The following TBC1D14 variants were observed in gnomAD, a reference collection of about 807,000 sequenced individuals.
TBC1D14 encodes TBC1 domain family member 14, also known as TBC1 domain family, member 14.
Under a neutral mutation model 79.0 loss-of-function variants are expected in TBC1D14, and 26 were observed. The ratio of observed to expected loss-of-function variants is 0.33; its 90% CI spans 0.24 to 0.46. The LOEUF (loss-of-function observed/expected upper bound fraction) is 0.46, where lower values mean the gene tolerates loss of function less well. Among genes scored for constraint, TBC1D14 ranks in the 20% least tolerant of loss-of-function variants. TBC1D14 has a pLI of 1.00. For missense variants in TBC1D14, 769 were observed against 887.6 expected (o/e 0.87, Z 1.70); for synonymous variants, 394 against 349.9 (o/e 1.13, Z -1.40).
chr4:6,951,492 C>T (rs1424185636), intron 2 of TBC1D14, among the ~76,000 whole-genome samples: 1 of 152,080 alleles, frequency 6.6e-6, no homozygotes, highest in African/African-American at 2.4e-5. Flanking sequence ...ATAGTGAGAC[C>T]TTATTTTCAT....
chr4:6,978,668 C>T (rs1302742725), intron 3 of TBC1D14, among the ~76,000 whole-genome samples: 2 of 148,104 alleles, frequency 1.4e-5, no homozygotes, highest in African/African-American at 2.6e-5. Context: ...TATCTGCTGA[C>T]CTTCCCTCCA....
rs1186390591 is a variant in TBC1D14, at chr4:6,939,616, C to A, written c.722+15505C>A. Among the ~76,000 whole-genome samples the A allele has an allele frequency of 2.6e-5, 4 of 152,206 alleles. No homozygotes were observed. The Middle Eastern group carries it at 0.014, about 518-fold the overall frequency. ...TCAGTCTTGGGGATGTAACGGTCAA[C>A]ACACCCACTTCTCCCAAATCAAAGC... On this transcript the variant is annotated intron_variant, in intron 2 of 13. Coordinates refer to ENST00000409757, the MANE Select transcript of TBC1D14 (RefSeq NM_020773.3).
intron 12 of TBC1D14, among the ~76,000 whole-genome samples, chr4:7,022,595 GT>G (rs1721939125): frequency 6.6e-6 from 1 of 152,248 alleles, no homozygotes; most frequent in Non-Finnish European, 1.5e-5. Flanking sequence ...AGAGGCCGCA[GT>G]GAGTAGCCAG....
At chr4:7,019,296 A>G (rs1396722074) in intron 12 of TBC1D14, among the ~76,000 whole-genome samples, 2 of 152,332 alleles carry the variant, frequency 1.3e-5, no homozygotes, top group East Asian at 3.9e-4. Context: ...CTGGGATTAC[A>G]GACGTGAGCA....
intron 3 of TBC1D14, among the ~76,000 whole-genome samples, chr4:6,983,267 C>T (rs996120538): frequency 1.7e-4 from 26 of 152,144 alleles, no homozygotes; most frequent in Middle Eastern, 3.4e-3. Context: ...CCACCGTACC[C>T]GGCCTTTAAA....
intron 7 of TBC1D14, among the ~76,000 whole-genome samples, chr4:7,003,872 C>T (rs371003428): frequency 1.1e-4 from 17 of 152,208 alleles, no homozygotes; most frequent in Non-Finnish European, 2.2e-4. Flanking sequence ...GGTGCGGTGG[C>T]GTGCACCTGT....
intron 2 of TBC1D14, among the ~76,000 whole-genome samples, chr4:6,961,371 A>T (rs1029080910): frequency 6.6e-6 from 1 of 151,494 alleles, no homozygotes; most frequent in Admixed American, 6.6e-5. Context: ...GGCACTCCCC[A>T]TTCTTGTCAA....
At chr4:7,022,804 TA>T (rs1223001790) in intron 12 of TBC1D14, among the ~76,000 whole-genome samples, 1 of 151,860 alleles carries the variant, frequency 6.6e-6, no homozygotes, top group Non-Finnish European at 1.5e-5. Flanking sequence ...GACTCACACA[TA>T]AATCTCAGCT....
Position 6,967,330 on chromosome 4 carries a change from C to G in TBC1D14, c.749C>G (p.Ala250Gly), listed in dbSNP as rs1257257404. The change falls in exon 3 of 14, where the codon GCA becomes GGA. Residue 250 changes from alanine to glycine, a missense_variant. Ala to Gly is a moderately conservative substitution (Grantham distance 60). This residue lies in a region of TBC1D14 where 402 missense variants were observed against 393.2 expected (regional missense o/e 1.02). Coordinates refer to ENST00000409757, the MANE Select transcript of TBC1D14 (RefSeq NM_020773.3). Reference protein sequence around the residue: ...ARNLLARKQSARLDKHNDLGW... With the variant: ...ARNLLARKQSGRLDKHNDLGW... ...AACTTGCTTGCTAGAAAACAAAGTGCAAGGCTTGACAAACACAATGACTTG... is the reference window on the plus strand; with the variant it reads ...AACTTGCTTGCTAGAAAACAAAGTGGAAGGCTTGACAAACACAATGACTTG... 1 of 1,613,898 alleles carries G rather than the reference C, an allele frequency of 6.2e-7. No individual in the cohort carries two copies. Among genetic ancestry groups the G allele is most frequent in the Admixed American group, 1.7e-5 (1 of 59,970 alleles).
At chr4:6,995,036 T>C (rs1311588989) in intron 4 of TBC1D14, among the ~76,000 whole-genome samples, 3 of 152,158 alleles carry the variant, frequency 2.0e-5, no homozygotes, top group Non-Finnish European at 4.4e-5. Flanking sequence ...CGGACTCTCC[T>C]GCAAGTGATG....
intron 7 of TBC1D14, among the ~76,000 whole-genome samples, chr4:7,003,229 C>G (rs1719844769): frequency 1.3e-5 from 2 of 152,216 alleles, no homozygotes; most frequent in Non-Finnish European, 2.9e-5. Context: ...GGGAGACTTA[C>G]AACTCTTTGA....
chr4:6,993,576 A>C (rs1015224052), intron 3 of TBC1D14, among the ~76,000 whole-genome samples: 2 of 152,242 alleles, frequency 1.3e-5, no homozygotes, highest in Admixed American at 6.5e-5. Context: ...CCTGTTACCC[A>C]GGAGACAGTA....
chr4:7,007,456 C>A, intron 9 of TBC1D14: 3 of 1,000,220 alleles, frequency 3.0e-6, no homozygotes, highest in Non-Finnish European at 4.1e-6. Flanking sequence ...CGGGTTTTTG[C>A]GGGGGCAGTT....
At position 7,004,866 on chromosome 4, in the gene TBC1D14, C is replaced by T. The variant is rs758251688; in HGVS notation, c.1293C>T (p.Ala431=). 1.2e-6 allele frequency: 2 copies of T among 1,614,066 alleles called. No homozygotes were observed. Among genetic ancestry groups the T allele is most frequent in the Non-Finnish European group, 1.7e-6 (2 of 1,179,984 alleles). Residue 431 remains alanine (A), a synonymous_variant, in exon 8 of 14, where the codon GCC becomes GCT. Coordinates refer to ENST00000409757, the MANE Select transcript of TBC1D14 (RefSeq NM_020773.3). ...CAGAGCTCTTTGACATCTGTCTTGC[C>T]CGAGCCAAGGAGAGGTGGCGGTCCC... is the stretch of plus-strand genomic sequence containing the variant. ...ITHELFDICL[A]RAKERWRSLS... is the part of the protein sequence containing the mutation.
chr4:6,999,111 A>C lies in TBC1D14; in HGVS notation c.1072A>C (p.Lys358Gln), dbSNP rs371534500. Residue 358 changes from lysine to glutamine, a missense_variant, in exon 6 of 14, where the codon AAG becomes CAG. By Grantham distance (53) the Lys-to-Gln change is moderately conservative (BLOSUM62 1). This residue lies in a region of TBC1D14 where 367 missense variants were observed against 494.4 expected (regional missense o/e 0.74). Transcript: ENST00000409757. The part of the protein sequence containing the change: ...RELKEAQRRK[K>Q]QLEERCRVEE... The stretch of plus-strand genomic sequence containing the variant: ...GCTGAAAGAAGCCCAGCGAAGGAAG[A>C]AGCAGCTGGAAGAAAGATGCAGAGT... 1 of 1,614,116 alleles carries C rather than the reference A, an allele frequency of 6.2e-7. No individual in the cohort carries two copies. Among genetic ancestry groups the C allele is most frequent in the African/African-American group, 1.3e-5 (1 of 74,944 alleles).
chr4:7,021,661 T>C (rs1333501001), intron 12 of TBC1D14, among the ~76,000 whole-genome samples: 1 of 147,654 alleles, frequency 6.8e-6, no homozygotes, highest in Non-Finnish European at 1.5e-5. Flanking sequence ...GAAATTACTT[T>C]TTTTTTTTTT....
intron 12 of TBC1D14, among the ~76,000 whole-genome samples, chr4:7,022,146 CAA>C (rs1721895273): frequency 6.6e-6 from 1 of 152,274 alleles, no homozygotes; most frequent in African/African-American, 2.4e-5. Context: ...AGCCTCAGTT[CAA>C]GACTGTGGGG....
intron 1 of TBC1D14, among the ~76,000 whole-genome samples, chr4:6,915,564 G>A (rs1723333811): frequency 6.6e-6 from 1 of 152,176 alleles, no homozygotes; most frequent in Admixed American, 6.5e-5. Context: ...TGGGCAGGCT[G>A]CATGCCTCGG....
chr4:7,028,750 T>TCAC (rs1722734938), intron 13 of TBC1D14, among the ~76,000 whole-genome samples: 1 of 151,766 alleles, frequency 6.6e-6, no homozygotes, highest in African/African-American at 2.4e-5. Flanking sequence ...TTTATACAGT[T>TCAC]CAGGTCTCAT....
Sources: gnomAD v4.1 joint callset for allele counts (sites outside exome capture counted in the v4.1 genomes callset) on GRCh38, gnomAD v4.1.1 for gene constraint, gnomAD v4.1.1 regional missense constraint, MANE v1.5 for transcripts, NCBI Gene and HGNC (gene_info 2026-07-23, HGNC 2026-07-21) for gene names.